The following PARP14 variants were observed in gnomAD, a reference collection of about 807,000 sequenced individuals.
PARP14 encodes the protein poly(ADP-ribose) polymerase family member 14.
A neutral mutation model predicts 154.2 loss-of-function variants in PARP14; 59 were observed. The observed-to-expected ratio is 0.38, with a 90% CI of 0.31 to 0.48. The LOEUF (loss-of-function observed/expected upper bound fraction) is 0.48, where lower values mean the gene tolerates loss of function less well. Ranked by LOEUF, PARP14 falls within the 20% of genes least tolerant of loss-of-function variation. PARP14 has a pLI of 0.98. For synonymous variants in PARP14, 720 were observed against 780.5 expected (o/e 0.92, Z 1.29); for missense variants, 1,734 against 2,131.6 (o/e 0.81, Z 3.67).
chr3:122,684,208 A>G (rs1938299758), intron 1 of PARP14, among the ~76,000 whole-genome samples: 1 of 152,282 alleles, frequency 6.6e-6, no homozygotes, highest in African/African-American at 2.4e-5. Context: ...TAGTGACCCA[A>G]CATTCATGCT....
At chr3:122,684,068 C>T (rs1938296639) in intron 1 of PARP14, among the ~76,000 whole-genome samples, 1 of 152,152 alleles carries the variant, frequency 6.6e-6, no homozygotes, top group African/African-American at 2.4e-5. Context: ...GAGTTGGCAT[C>T]CAATTAAGAC....
intron 7 of PARP14, among the ~76,000 whole-genome samples, 158 bp downstream of exon 7, chr3:122,704,136 T>C (rs1392747640): frequency 2.6e-5 from 4 of 152,230 alleles, no homozygotes. Flanking sequence ...CTTTCAGCTG[T>C]AGCTGACTTC....
intron 8 of PARP14, among the ~76,000 whole-genome samples, chr3:122,705,977 G>C (rs773948537): frequency 4.5e-4 from 68 of 152,302 alleles, no homozygotes; most frequent in Admixed American, 7.8e-4. Context: ...AATAGGAATA[G>C]CACATACTTT....
chr3:122,681,058 T>C lies in PARP14; in HGVS notation c.175T>C (p.Tyr59His), dbSNP rs770840919. Reference protein sequence around the residue: ...RSPSRFLVFFYPEDVRQKVLE... With the variant: ...RSPSRFLVFFHPEDVRQKVLE... ...CCCATCCCGCTTCCTGGTGTTCTTCTACCCGGAGGACGGTGAGGGGCGCGA... is the reference window on the plus strand; with the variant it reads ...CCCATCCCGCTTCCTGGTGTTCTTCCACCCGGAGGACGGTGAGGGGCGCGA... Residue 59 changes from tyrosine (Y) to histidine (H), a missense_variant, in exon 1 of 17, where the codon TAC (tyrosine) becomes CAC (histidine). By Grantham distance (83) the Tyr-to-His change is moderately conservative (BLOSUM62 2). Coordinates refer to ENST00000474629, the MANE Select transcript of PARP14 (RefSeq NM_017554.3). This position sits in a 1 kb window ranked among gnomAD's most constrained non-coding sequence, Gnocchi z 5.5. 1 of 1,612,616 alleles carries C rather than the reference T, an allele frequency of 6.2e-7. No homozygotes were observed. Among genetic ancestry groups the C allele is most frequent in the Non-Finnish European group, 8.5e-7 (1 of 1,178,772 alleles).
At chr3:122,691,836 A>T (rs944703434) in intron 3 of PARP14, among the ~76,000 whole-genome samples, 1 of 152,332 alleles carries the variant, frequency 6.6e-6, no homozygotes, top group South Asian at 2.1e-4. Flanking sequence ...AATAAAATTA[A>T]ACTTCAATTA....
At chr3:122,703,463 G>C (rs557402817) in intron 6 of PARP14, among the ~76,000 whole-genome samples, 73 of 152,190 alleles carry the variant, frequency 4.8e-4, no homozygotes, top group African/African-American at 1.6e-3. Flanking sequence ...ACCCCACATT[G>C]CCCATGGTAT....
rs556811197 is a variant in PARP14 at position 122,720,188 on chromosome 3, A to C, written c.4808-67A>C. The C allele has an allele frequency of 3.3e-5, 49 of 1,481,506 alleles. No homozygotes were observed. The African/African-American group carries it at 5.9e-4, about 18-fold the overall frequency. 91.8% of individuals were successfully genotyped at this position (1,481,506 alleles called of 1,614,324 possible). On this transcript the variant is annotated intron_variant, in intron 14 of 16. Coordinates refer to ENST00000474629, the MANE Select transcript of PARP14 (RefSeq NM_017554.3). The stretch of plus-strand genomic sequence containing the variant: ...AATTGGGAGATAGTAAAACAAGAAC[A>C]CAGATACTAAATGTTCCAGAGTGTA...
chr3:122,714,384 G>GAA lies in PARP14; in HGVS notation c.3964_3965dup (p.Asn1322LysfsTer27). The GAA allele has an allele frequency of 2.0e-6, 3 of 1,506,324 alleles. No individual in the cohort carries two copies. The highest frequency in any genetic ancestry group is 2.1e-5 in the Admixed American group (1 of 46,848). The allele number at this position is 1,506,324 out of a possible 1,614,324, so 93.3% of individuals were successfully genotyped here. On this transcript the variant is annotated frameshift_variant, in exon 12 of 17. Transcript: ENST00000474629. LOFTEE classifies it high-confidence loss of function. ...AGTTTCCTCTGTTTTGCAGGAGTGTGAAAAAAAAAATTACTCATCCATTTG... is the reference window on the plus strand; with the variant it reads ...AGTTTCCTCTGTTTTGCAGGAGTGTGAAAAAAAAAAAATTACTCATCCATTTG...
At chr3:122,692,853 A>G (rs889108857) in intron 4 of PARP14, among the ~76,000 whole-genome samples, 10 of 152,180 alleles carry the variant, frequency 6.6e-5, no homozygotes, top group African/African-American at 2.4e-4. Flanking sequence ...TCTGAAGTCC[A>G]AGTGATTCCA....
Position 122,685,194 on chromosome 3 carries a change from A to G in PARP14, c.197A>G (p.Lys66Arg). Residue 66 changes from lysine to arginine, a missense_variant, in exon 2 of 17, where the codon AAG becomes AGG. Physicochemically the swap from Lys to Arg is conservative, Grantham distance 26 (BLOSUM62 2). Around this residue, in one of 2 missense-constraint regions of PARP14, gnomAD observed 1,646 missense variants for 1,976.0 expected, o/e 0.83. Transcript: ENST00000474629. The stretch of plus-strand genomic sequence containing the variant: ...CCTTTGGACATTTCAGTTCGGCAGA[A>G]GGTTCTGGAGAGAAAAAATCATGAG... The part of the protein sequence containing the change: ...VFFYPEDVRQ[K>R]VLERKNHELV... 3 of 1,613,932 alleles carry G rather than the reference A, an allele frequency of 1.9e-6. No individual in the cohort carries two copies. Among genetic ancestry groups the G allele is most frequent in the Non-Finnish European group, 2.5e-6 (3 of 1,179,826 alleles).
Position 122,720,305 on chromosome 3 carries a change from G to A in PARP14, c.4858G>A (p.Val1620Met), listed in dbSNP as rs771598212. Residue 1620 changes from valine to methionine, a missense_variant, in exon 15 of 17, where the codon GTG (valine) becomes ATG (methionine). Coordinates refer to ENST00000474629, the MANE Select transcript of PARP14 (RefSeq NM_017554.3). ...TATGAAGCAGCAGAATTTCTGTGTG[G>A]TGGAGCTGCTGCCTAGTGATCCTGA... ...SDMKQQNFCV[V>M]ELLPSDPEYN... 5.0e-6 allele frequency: 8 copies of A among 1,613,018 alleles called. No individual in the cohort carries two copies. In the Admixed American group the frequency reaches 1.0e-4, roughly 20 times the overall value.
Position 122,727,886 on chromosome 3 carries a change from C to T in PARP14, c.5016C>T (p.Gly1672=). The change falls in exon 16 of 17, where the codon GGC becomes GGT. Residue 1672 remains glycine, a synonymous_variant. Coordinates refer to ENST00000474629, the MANE Select transcript of PARP14 (RefSeq NM_017554.3). Reference sequence around the variant, plus strand: ...AAAAAACTATGGATGCCAAGAATGGCCAGACAATGAATGAGAAGCAACTCT... The same window carrying T: ...AAAAAACTATGGATGCCAAGAATGGTCAGACAATGAATGAGAAGCAACTCT... ...AKKKTMDAKN[G]QTMNEKQLFH... The T allele has an allele frequency of 1.2e-6, 2 of 1,613,104 alleles. No homozygotes were observed. The highest frequency in any genetic ancestry group is 1.7e-6 in the Non-Finnish European group (2 of 1,179,136).
intron 2 of PARP14, among the ~76,000 whole-genome samples, chr3:122,685,663 C>T (rs141378636): frequency 0.012 from 1,864 of 152,214 alleles, 44 homozygotes; most frequent in African/African-American, 0.043. Context: ...GCATATGCCA[C>T]TATGCCCAGA....
At chr3:122,727,482 C>T (rs1196324762) in intron 15 of PARP14, among the ~76,000 whole-genome samples, 1 of 152,208 alleles carries the variant, frequency 6.6e-6, no homozygotes, top group Non-Finnish European at 1.5e-5. Context: ...TGGACAGCAA[C>T]AGGAGCAGTC....
In PARP14 at chr3:122,729,064, A is replaced by G. The variant is rs11557048; in HGVS notation, c.*467A>G. 23,347 of 159,208 alleles carry G rather than the reference A, an allele frequency of 0.15. 1,740 individuals are homozygous for G. Among genetic ancestry groups the G allele is most frequent in the Admixed American group, 0.17 (2,908 of 16,840 alleles). The allele number at this position is 159,208 out of a possible 1,614,324, so 9.9% of individuals were successfully genotyped here. ...TATCTTAGTCAATTTTTTTCCCTTG[A>G]GATGAGGTCTGTGCCTGATGTACAA... On this transcript the variant is annotated 3_prime_UTR_variant, in exon 17 of 17. Transcript: ENST00000474629.
chr3:122,720,665 T>C (rs1035542085), intron 15 of PARP14: 9 of 482,890 alleles, frequency 1.9e-5, no homozygotes, highest in Non-Finnish European at 2.7e-5. Flanking sequence ...TTCAAAGATA[T>C]GGCTTTAAAA....
At position 122,728,412 on chromosome 3, in the gene PARP14, G is replaced by A; in HGVS notation, c.5221G>A (p.Val1741Met). ...AAATGGGAGAAAGCATGTGTATTAT[G>A]TGCGAGTACTTACTGGAATCTATAC... Reference protein sequence around the residue: ...DANGRKHVYYVRVLTGIYTHG... With the variant: ...DANGRKHVYYMRVLTGIYTHG... The change falls in exon 17 of 17, where the codon GTG (valine) becomes ATG (methionine). Residue 1741 changes from valine to methionine, a missense_variant. Physicochemically the swap from Val to Met is conservative, Grantham distance 21 (BLOSUM62 1). Around this residue, in one of 2 missense-constraint regions of PARP14, gnomAD observed 88 missense variants for 155.6 expected, o/e 0.57. Transcript: ENST00000474629. The A allele has an allele frequency of 6.2e-7, 1 of 1,613,688 alleles. No individual in the cohort carries two copies. The highest frequency in any genetic ancestry group is 8.5e-7 in the Non-Finnish European group (1 of 1,179,626).
At chr3:122,689,143 T>A (rs893348897) in intron 3 of PARP14, among the ~76,000 whole-genome samples, 13 of 152,194 alleles carry the variant, frequency 8.5e-5, no homozygotes, top group Non-Finnish European at 1.3e-4. Flanking sequence ...CTGACCTTCC[T>A]GTTGGGAAGT....
intron 5 of PARP14, among the ~76,000 whole-genome samples, chr3:122,696,728 A>G (rs1002499185): frequency 3.9e-5 from 6 of 152,144 alleles, no homozygotes; most frequent in Non-Finnish European, 5.9e-5. Flanking sequence ...GCACATATAC[A>G]ACTAATGTTA....
Sources: gnomAD v4.1 joint callset for allele counts (sites outside exome capture counted in the v4.1 genomes callset) on GRCh38, gnomAD v4.1.1 for gene constraint, gnomAD v4.1.1 regional missense constraint, Gnocchi (gnomAD v3.1) non-coding constraint, MANE v1.5 for transcripts, NCBI Gene and HGNC (gene_info 2026-07-23, HGNC 2026-07-21) for gene names.